Variants in LHPP observed in about 807,000 individuals in gnomAD.
LHPP encodes hLHPP.
In LHPP, 24 loss-of-function variants were observed where a neutral mutation model predicts 30.3. The ratio of observed to expected loss-of-function variants is 0.79; its 90% confidence interval spans 0.57 to 1.11. The LOEUF is 1.11. Ranked by LOEUF, LHPP falls within the 50% of genes most tolerant of loss-of-function variation. The pLI is 0.00. For missense variants in LHPP, 356 were observed against 367.2 expected (o/e 0.97, Z 0.25); for synonymous variants, 150 against 157.1 (o/e 0.95, Z 0.34).
intron 6 of LHPP, among the ~76,000 whole-genome samples, chr10:124,545,739 T>G (rs2133950944): frequency 6.6e-6 from 1 of 152,234 alleles, no homozygotes; most frequent in African/African-American, 2.4e-5. Context: ...TCTCCTGTGG[T>G]TTTTGATTTT....
At chr10:124,591,781 A>G (rs1774888076) in intron 6 of LHPP, among the ~76,000 whole-genome samples, 1 of 151,898 alleles carries the variant, frequency 6.6e-6, no homozygotes, top group African/African-American at 2.4e-5. Context: ...GGTAGGAGTA[A>G]TTGTTCTAAG....
intron 6 of LHPP, among the ~76,000 whole-genome samples, chr10:124,559,831 G>T (rs999806132): frequency 3.3e-5 from 5 of 152,254 alleles, no homozygotes; most frequent in Non-Finnish European, 7.3e-5. Context: ...TGTCTGGGGT[G>T]TGTGCCATTG....
chr10:124,539,858 C>T (rs1955138457), intron 6 of LHPP, among the ~76,000 whole-genome samples: 3 of 151,048 alleles, frequency 2.0e-5, no homozygotes, highest in Non-Finnish European at 4.4e-5. Flanking sequence ...GCTGAGATTG[C>T]ACCACTGCAC....
At chr10:124,540,892 G>A (rs1400653810) in intron 6 of LHPP, among the ~76,000 whole-genome samples, 1 of 152,172 alleles carries the variant, frequency 6.6e-6, no homozygotes, top group Non-Finnish European at 1.5e-5. Context: ...GCAGGTTCTG[G>A]ACACACGATG....
At position 124,596,075 on chromosome 10, in the gene LHPP, G is replaced by A. The variant is rs1948938086; in HGVS notation, c.717-17189G>A. Reference sequence around the variant, plus strand: ...CCGTTCATTTCATCCGTGTTGTTCTGTGCAGCCAGACTCCATCCTACGGCA... The same window carrying A: ...CCGTTCATTTCATCCGTGTTGTTCTATGCAGCCAGACTCCATCCTACGGCA... On this transcript the variant is annotated intron_variant, in intron 6 of 6. Transcript: ENST00000368842. The surrounding 1 kb of genome is among the most constrained non-coding windows in gnomAD (Gnocchi z 4.6). Among the ~76,000 whole-genome samples the A allele has an allele frequency of 6.6e-6, 1 of 152,110 alleles. No homozygotes were observed. Among genetic ancestry groups the A allele is most frequent in the East Asian group, 1.9e-4 (1 of 5,198 alleles).
intron 6 of LHPP, among the ~76,000 whole-genome samples, chr10:124,567,775 C>T (rs575888602): frequency 8.5e-5 from 13 of 152,370 alleles, no homozygotes; most frequent in South Asian, 2.1e-4. Flanking sequence ...GCGCATGCAA[C>T]GCACAAACAC....
At chr10:124,526,823 G>A (rs766955783) in intron 6 of LHPP, among the ~76,000 whole-genome samples, 20 of 152,188 alleles carry the variant, frequency 1.3e-4, no homozygotes, top group East Asian at 3.8e-4. Flanking sequence ...GAACCCAAGC[G>A]CTCTCTTCCC....
intron 6 of LHPP, among the ~76,000 whole-genome samples, chr10:124,583,761 C>T (rs542348759): frequency 2.0e-4 from 31 of 152,312 alleles, no homozygotes; most frequent in African/African-American, 6.5e-4. Flanking sequence ...ATGACCCAAA[C>T]ACCTCCCACC....
chr10:124,494,724 C>G (rs1953653464), intron 3 of LHPP, among the ~76,000 whole-genome samples: 1 of 152,300 alleles, frequency 6.6e-6, no homozygotes, highest in Non-Finnish European at 1.5e-5. Flanking sequence ...CATGCCTCTG[C>G]TGCCTCCCTG....
At chr10:124,495,139 G>A (rs1953664900) in intron 3 of LHPP, among the ~76,000 whole-genome samples, 1 of 152,180 alleles carries the variant, frequency 6.6e-6, no homozygotes, top group South Asian at 2.1e-4. Flanking sequence ...TGAACTTAGA[G>A]ATTTCTAAGC....
chr10:124,484,602 T>C (rs1277122054), intron 2 of LHPP, among the ~76,000 whole-genome samples: 1 of 150,882 alleles, frequency 6.6e-6, no homozygotes, highest in Non-Finnish European at 1.5e-5. Flanking sequence ...TCTTTCCTGA[T>C]CTAGGATGGA....
At position 124,488,445 on chromosome 10, in the gene LHPP, A is replaced by G; in HGVS notation, c.337A>G (p.Ile113Val). 1.2e-6 allele frequency: 2 copies of G among 1,614,082 alleles called. No homozygotes were observed. The highest frequency in any genetic ancestry group is 1.7e-6 in the Non-Finnish European group (2 of 1,180,000). The change falls in exon 3 of 7, where the codon ATC becomes GTC. Residue 113 changes from isoleucine (I) to valine (V), a missense_variant. By Grantham distance (29) the Ile-to-Val change is conservative. Transcript: ENST00000368842. ...HDGVRSEFDQ[I>V]DTSNPNCVVI... Reference sequence around the variant, plus strand: ...AGGAGTCCGCTCAGAATTTGATCAGATCGACACATCCAACCCAAACTGTGT... The same window carrying G: ...AGGAGTCCGCTCAGAATTTGATCAGGTCGACACATCCAACCCAAACTGTGT...
intron 6 of LHPP, among the ~76,000 whole-genome samples, chr10:124,572,781 C>A (rs1273620938): frequency 6.6e-6 from 1 of 152,010 alleles, no homozygotes; most frequent in East Asian, 1.9e-4. Context: ...ATAAAGAAAT[C>A]CAGAGGTTTG....
At position 124,510,677 on chromosome 10, in the gene LHPP, G is replaced by A. The variant is rs1157306548; in HGVS notation, c.625-6503G>A. Among the ~76,000 whole-genome samples the A allele has an allele frequency of 2.0e-5, 3 of 152,232 alleles. No individual in the cohort carries two copies. Among genetic ancestry groups the A allele is most frequent in the African/African-American group, 7.2e-5 (3 of 41,456 alleles). ...GCACACAGTTTCATTTTCCCCGGAA[G>A]CATGGAGGTGTAGGATGACATGTAA... is the stretch of plus-strand genomic sequence containing the variant. On this transcript the variant is annotated intron_variant, in intron 5 of 6. Transcript: ENST00000368842. This position sits in a 1 kb window ranked among gnomAD's most constrained non-coding sequence, Gnocchi z 4.0.
chr10:124,581,757 ATATATG>A (rs1437061873), intron 6 of LHPP, among the ~76,000 whole-genome samples: 1 of 77,010 alleles, frequency 1.3e-5, no homozygotes, highest in Non-Finnish European at 2.8e-5. Flanking sequence ...TAATACATAC[ATATATG>A]TATATACACA....
At chr10:124,534,788 T>C (rs1215588092) in intron 6 of LHPP, among the ~76,000 whole-genome samples, 1 of 152,008 alleles carries the variant, frequency 6.6e-6, no homozygotes, top group African/African-American at 2.4e-5. Flanking sequence ...GTCGGTGGTG[T>C]GGCTTTGGCT....
rs972433749 is a variant in LHPP at position 124,551,100 on chromosome 10, A to C, written c.716+33829A>C. Reference sequence around the variant, plus strand: ...CACCTCCCCCAGGCCTGTCGCCATCACTGGCACCTCCACCAGCATTAGCAC... The same window carrying C: ...CACCTCCCCCAGGCCTGTCGCCATCCCTGGCACCTCCACCAGCATTAGCAC... On this transcript the variant is annotated intron_variant, in intron 6 of 6. Coordinates refer to ENST00000368842, the MANE Select transcript of LHPP (RefSeq NM_022126.4). Among the ~76,000 whole-genome samples the C allele has an allele frequency of 2.0e-5, 3 of 152,066 alleles. No homozygotes were observed. The South Asian group carries it at 6.2e-4, about 31-fold the overall frequency.
intron 6 of LHPP, among the ~76,000 whole-genome samples, chr10:124,545,817 G>C (rs1267067797): frequency 2.0e-5 from 3 of 152,210 alleles, no homozygotes; most frequent in Admixed American, 6.5e-5. Flanking sequence ...GGCCGACGCT[G>C]TCATTCTGCT....
At chr10:124,575,983 C>A (rs1948654758) in intron 6 of LHPP, among the ~76,000 whole-genome samples, 1 of 152,156 alleles carries the variant, frequency 6.6e-6, no homozygotes, top group Non-Finnish European at 1.5e-5. Flanking sequence ...ACGTTCACAT[C>A]CCTTGGGGCC....
Sources: gnomAD v4.1 joint callset for allele counts (sites outside exome capture counted in the v4.1 genomes callset) on GRCh38, gnomAD v4.1.1 for gene constraint, Gnocchi (gnomAD v3.1) non-coding constraint, MANE v1.5 for transcripts, NCBI Gene and HGNC (gene_info 2026-07-23, HGNC 2026-07-21) for gene names.